The following KCNH7 variants were observed in gnomAD, a reference collection of about 807,000 sequenced individuals.
KCNH7 encodes potassium voltage-gated channel subfamily H member 7.
A neutral mutation model predicts 120.8 loss-of-function variants in KCNH7; 49 were observed. The observed-to-expected ratio is 0.41, with a 90% CI of 0.32 to 0.51. The LOEUF is 0.51. KCNH7 is among the 20% of genes least tolerant of loss of function. The pLI, the probability that KCNH7 is intolerant of heterozygous loss-of-function variation, is 0.38. For missense variants in KCNH7, 1,097 were observed against 1,446.6 expected, an observed-to-expected ratio of 0.76 and a Z score of 3.92; for synonymous variants, 547 against 516.1, an observed-to-expected ratio of 1.06 and a Z score of -0.81.
chr2:162,461,700 T>G (rs1346004421), intron 6 of KCNH7, among the ~76,000 whole-genome samples: 1 of 152,204 alleles, frequency 6.6e-6, no homozygotes, highest in Non-Finnish European at 1.5e-5. Flanking sequence ...TATTGGTTTT[T>G]GGGCCACGTA....
chr2:162,581,868 AAGGGACCCACCCACCCAAAG>A (rs1165828045), intron 2 of KCNH7, among the ~76,000 whole-genome samples: 3 of 152,078 alleles, frequency 2.0e-5, no homozygotes, highest in Admixed American at 2.0e-4. Flanking sequence ...TGTTGCTACA[AAGGGACCCACCCACCCAAAG>A]AAAGAAAAAG....
chr2:162,613,591 C>CT (rs1276026647), intron 2 of KCNH7, among the ~76,000 whole-genome samples: 1 of 151,784 alleles, frequency 6.6e-6, no homozygotes, highest in Non-Finnish European at 1.5e-5. Flanking sequence ...AATTATGACT[C>CT]TTTCAAAAAT....
chr2:162,740,893 A>G (rs1282979715), intron 2 of KCNH7, among the ~76,000 whole-genome samples: 3 of 152,146 alleles, frequency 2.0e-5, no homozygotes, highest in African/African-American at 7.2e-5. Flanking sequence ...GTGTACCTCT[A>G]AAGTACTTTT....
intron 2 of KCNH7, among the ~76,000 whole-genome samples, chr2:162,712,731 T>G (rs1323018226): frequency 6.6e-6 from 1 of 152,194 alleles, no homozygotes; most frequent in Non-Finnish European, 1.5e-5. Flanking sequence ...GCTGTCAGTT[T>G]TCAACACGTA....
At chr2:162,711,749 T>G (rs997549222) in intron 2 of KCNH7, among the ~76,000 whole-genome samples, 1 of 152,130 alleles carries the variant, frequency 6.6e-6, no homozygotes, top group African/African-American at 2.4e-5. Context: ...CAGTAAACGT[T>G]TTCTTGTTCC....
At chr2:162,692,258 T>C (rs1193260876) in intron 2 of KCNH7, among the ~76,000 whole-genome samples, 1 of 151,848 alleles carries the variant, frequency 6.6e-6, no homozygotes, top group East Asian at 1.9e-4. Context: ...CCCAAGTAGC[T>C]AGGACAATAG....
intron 12 of KCNH7, among the ~76,000 whole-genome samples, chr2:162,388,302 TGTATTATATACTTAGAA>T (rs1314395179): frequency 3.3e-5 from 5 of 151,900 alleles, no homozygotes; most frequent in Middle Eastern, 3.4e-3. Flanking sequence ...CAATAGTAAA[TGTATTATATACTTAGAA>T]GTTGCTAAGA....
chr2:162,537,919 GCTGA>G (rs1692168096), intron 2 of KCNH7, among the ~76,000 whole-genome samples: 1 of 152,058 alleles, frequency 6.6e-6, no homozygotes, highest in African/African-American at 2.4e-5. Context: ...TCAACTGACT[GCTGA>G]CTGACTCCTT....
intron 3 of KCNH7, among the ~76,000 whole-genome samples, chr2:162,533,446 C>T (rs1266854844): frequency 2.0e-5 from 3 of 151,018 alleles, no homozygotes; most frequent in African/African-American, 7.3e-5. Flanking sequence ...AAGACACAAC[C>T]AAAACAAAGG....
intron 3 of KCNH7, among the ~76,000 whole-genome samples, chr2:162,527,009 T>C (rs1033161809): frequency 6.6e-6 from 1 of 152,018 alleles, no homozygotes; most frequent in African/African-American, 2.4e-5. Context: ...CACGTTCTTC[T>C]GCCATGGCTT....
chr2:162,512,199 C>A (rs193170408), intron 5 of KCNH7, among the ~76,000 whole-genome samples: 1 of 151,824 alleles, frequency 6.6e-6, no homozygotes, highest in East Asian at 2.0e-4. Context: ...GAAAACCATA[C>A]CCCCTGCCAT....
chr2:162,560,549 C>T (rs1559015155), intron 2 of KCNH7, among the ~76,000 whole-genome samples: 1 of 152,140 alleles, frequency 6.6e-6, no homozygotes. Context: ...ATGTATCATG[C>T]CCAATTCTGT....
chr2:162,461,825 A>G (rs1314506731), intron 6 of KCNH7, among the ~76,000 whole-genome samples: 1 of 152,174 alleles, frequency 6.6e-6, no homozygotes, highest in African/African-American at 2.4e-5. Context: ...TCCTGGAACT[A>G]GGGAACATTT....
intron 2 of KCNH7, among the ~76,000 whole-genome samples, chr2:162,834,474 G>A (rs1685584943): frequency 6.6e-6 from 1 of 151,674 alleles, no homozygotes; most frequent in Admixed American, 6.6e-5. Context: ...ATCTGAAAAT[G>A]AAGTCAACAG....
At chr2:162,728,933 T>TC in intron 2 of KCNH7, among the ~76,000 whole-genome samples, 1 of 152,292 alleles carries the variant, frequency 6.6e-6, no homozygotes, top group South Asian at 2.1e-4. Flanking sequence ...GTTTTACCTG[T>TC]CATACTTAGA....
chr2:162,724,666 C>A, intron 2 of KCNH7, among the ~76,000 whole-genome samples: 1 of 116,784 alleles, frequency 8.6e-6, no homozygotes, highest in African/African-American at 4.7e-5. Flanking sequence ...AGCGAGACTC[C>A]GTCTCAAAAA....
chr2:162,812,820 T>C (rs1427117594), intron 2 of KCNH7, among the ~76,000 whole-genome samples: 3 of 152,086 alleles, frequency 2.0e-5, no homozygotes, highest in Non-Finnish European at 2.9e-5. Flanking sequence ...GACATTGCGT[T>C]ATCAAGAAAG....
intron 2 of KCNH7, among the ~76,000 whole-genome samples, chr2:162,563,740 G>T (rs1288406979): frequency 6.6e-6 from 1 of 152,066 alleles, no homozygotes; most frequent in Non-Finnish European, 1.5e-5. Context: ...AATCCTACTA[G>T]ATATTAAGAA....
At chr2:162,738,352 A>G (rs1687996182) in intron 2 of KCNH7, among the ~76,000 whole-genome samples, 1 of 152,146 alleles carries the variant, frequency 6.6e-6, no homozygotes, top group African/African-American at 2.4e-5. Context: ...TTGACTACCA[A>G]GAAGTCTCTG....
Sources: allele counts gnomAD v4.1 joint callset (sites outside exome capture counted in the v4.1 genomes callset), GRCh38; gene constraint gnomAD v4.1.1; transcripts MANE v1.5; gene names NCBI Gene and HGNC (gene_info 2026-07-23, HGNC 2026-07-21).